KSR2: variants seen among roughly 807,000 people sequenced by gnomAD.
KSR2 encodes the protein kinase suppressor of ras 2.
Under a neutral mutation model 107.8 loss-of-function variants are expected in KSR2, and 25 were observed. The observed-to-expected ratio is 0.23, with a 90% CI of 0.17 to 0.32. The LOEUF is 0.32. Ranked by LOEUF, KSR2 falls within the 10% of genes least tolerant of loss-of-function variation. The pLI is 1.00. For synonymous variants in KSR2, 480 were observed against 507.0 expected (o/e 0.95, Z 0.71); for missense variants, 887 against 1,268.9 (o/e 0.70, Z 4.57).
intron 3 of KSR2, among the ~76,000 whole-genome samples, chr12:117,840,075 A>G (rs749270104): frequency 3.3e-5 from 5 of 149,888 alleles, no homozygotes; most frequent in Non-Finnish European, 5.9e-5. Context: ...CTTTTTTCCC[A>G]TTTTATTTTA....
Position 117,577,986 on chromosome 12 carries a change from G to A in KSR2, c.1325+1133C>T, listed in dbSNP as rs76333464. Among the ~76,000 whole-genome samples, 151 of 152,282 alleles carry A rather than the reference G, an allele frequency of 9.9e-4. 1 individual carries two copies. The highest frequency in any genetic ancestry group is 3.2e-3 in the African/African-American group (134 of 41,558). ...TTTAAAACCAGCTTAGTCTGACTCC[G>A]GAGCCCACATCTGGCGTCTCAGTTT... is the stretch of plus-strand genomic sequence containing the variant. On this transcript the variant is annotated intron_variant, in intron 7 of 19. Coordinates refer to ENST00000339824, the MANE Select transcript of KSR2 (RefSeq NM_173598.6).
chr12:117,563,716 G>A (rs1878273175), intron 7 of KSR2, among the ~76,000 whole-genome samples: 1 of 152,120 alleles, frequency 6.6e-6, no homozygotes. Context: ...ACATGGGCTG[G>A]CTAGAACACT....
At chr12:117,666,142 G>A (rs766780496) in intron 5 of KSR2, among the ~76,000 whole-genome samples, 2 of 152,086 alleles carry the variant, frequency 1.3e-5, no homozygotes, top group South Asian at 2.1e-4. Context: ...TCTCTGGACC[G>A]ACTCCTAACT....
chr12:117,765,196 G>C (rs1203748907), intron 3 of KSR2, among the ~76,000 whole-genome samples: 2 of 152,196 alleles, frequency 1.3e-5, no homozygotes, highest in Non-Finnish European at 2.9e-5. Flanking sequence ...TTTGCTGAGG[G>C]AATACAAGCT....
At chr12:117,901,108 G>A (rs998675571) in intron 1 of KSR2, among the ~76,000 whole-genome samples, 2 of 152,048 alleles carry the variant, frequency 1.3e-5, no homozygotes, top group Non-Finnish European at 2.9e-5. Context: ...TGCACAGTGC[G>A]TCATGGAAGG....
At chr12:117,894,947 T>A (rs2137371826) in intron 1 of KSR2, among the ~76,000 whole-genome samples, 1 of 151,738 alleles carries the variant, frequency 6.6e-6, no homozygotes, top group South Asian at 2.1e-4. Flanking sequence ...TGGACTAATA[T>A]CCCGGGCTTC....
In KSR2 at chr12:117,527,292, CACACACACAG is replaced by C. The variant is rs1200776194; in HGVS notation, c.1803-183_1803-174del. ...AATCCATAACCTCGACACACACACA[CACACACACAG>C]ACACACACACACACACACACACAGA... On this transcript the variant is annotated intron_variant, in intron 12 of 19. Coordinates refer to ENST00000339824, the MANE Select transcript of KSR2 (RefSeq NM_173598.6). Among the ~76,000 whole-genome samples, 421 of 78,312 alleles carry C rather than the reference CACACACACAG, an allele frequency of 5.4e-3. 3 individuals are homozygous for C. The highest frequency in any genetic ancestry group is 9.6e-3 in the Admixed American group (65 of 6,746). The allele number at this position is 78,312 out of a possible 152,430, so 51.4% of individuals were successfully genotyped here.
chr12:117,541,579 C>G (rs1280130177), intron 9 of KSR2, among the ~76,000 whole-genome samples: 1 of 152,204 alleles, frequency 6.6e-6, no homozygotes. Flanking sequence ...ACCCACAGGA[C>G]AGTGGTCACT....
rs543802525 is a variant in KSR2 at position 117,845,891 on chromosome 12, T to A, written c.472+9537A>T. The stretch of plus-strand genomic sequence containing the variant: ...TTTCAGTAGAGATGGGGTTTTGCTG[T>A]GTTGCCCAGGCTGGTCTCGAACTCC... On this transcript the variant is annotated intron_variant, in intron 3 of 19. Transcript: ENST00000339824. 2.1e-3 allele frequency among the ~76,000 whole-genome samples: 316 copies of A among 151,988 alleles called. 2 individuals are homozygous for A. Among genetic ancestry groups the A allele is most frequent in the Non-Finnish European group, 3.1e-3 (214 of 67,964 alleles).
At chr12:117,568,370 T>C (rs1245142956) in intron 7 of KSR2, among the ~76,000 whole-genome samples, 3 of 152,158 alleles carry the variant, frequency 2.0e-5, no homozygotes, top group South Asian at 2.1e-4. Context: ...AGGTTGGAAT[T>C]GAGACCAAAT....
intron 7 of KSR2, among the ~76,000 whole-genome samples, chr12:117,562,155 GA>G (rs375950716): frequency 2.0e-5 from 3 of 151,342 alleles, no homozygotes; most frequent in African/African-American, 7.3e-5. Context: ...TTGGAGGGCA[GA>G]ACAAGTGTGG....
At chr12:117,555,896 AG>A (rs1212237835) in intron 8 of KSR2, among the ~76,000 whole-genome samples, 1 of 152,208 alleles carries the variant, frequency 6.6e-6, no homozygotes, top group Non-Finnish European at 1.5e-5. Flanking sequence ...GAACACAGCA[AG>A]GGGCAAAAAT....
chr12:117,892,347 C>G (rs1894371812), intron 1 of KSR2, among the ~76,000 whole-genome samples: 2 of 152,108 alleles, frequency 1.3e-5, no homozygotes, highest in Admixed American at 1.3e-4. Flanking sequence ...ATTGGAATAT[C>G]TTTTGTCTTT....
chr12:117,494,954 G>A (rs1444328320), intron 14 of KSR2, among the ~76,000 whole-genome samples: 1 of 152,216 alleles, frequency 6.6e-6, no homozygotes, highest in Non-Finnish European at 1.5e-5. Context: ...TGAGTAACAC[G>A]GCAAAGGCCA....
At chr12:117,612,119 T>G (rs1181779173) in intron 5 of KSR2, among the ~76,000 whole-genome samples, 1 of 152,154 alleles carries the variant, frequency 6.6e-6, no homozygotes, top group African/African-American at 2.4e-5. Flanking sequence ...AAGTGGTATA[T>G]CTCATCCAGG....
chr12:117,901,671 T>C (rs547825894), intron 1 of KSR2, among the ~76,000 whole-genome samples: 1 of 152,320 alleles, frequency 6.6e-6, no homozygotes, highest in Non-Finnish European at 1.5e-5. Context: ...AGTATTCAGT[T>C]TTTTTAAACG....
At chr12:117,592,456 A>C (rs967214291) in intron 5 of KSR2, among the ~76,000 whole-genome samples, 1 of 152,128 alleles carries the variant, frequency 6.6e-6, no homozygotes, top group Non-Finnish European at 1.5e-5. Flanking sequence ...CTGGTGTCTG[A>C]GACCTGGCAG....
intron 5 of KSR2, among the ~76,000 whole-genome samples, chr12:117,665,338 TG>T (rs1204284319): frequency 2.0e-5 from 3 of 151,958 alleles, no homozygotes; most frequent in Non-Finnish European, 4.4e-5. Flanking sequence ...GGGGCTCAAA[TG>T]TTTAAATCTG....
At chr12:117,948,413 C>T (rs1041882395) in intron 1 of KSR2, among the ~76,000 whole-genome samples, 7 of 151,802 alleles carry the variant, frequency 4.6e-5, no homozygotes, top group South Asian at 2.1e-4. Context: ...CTGCTTGAAC[C>T]CAGAAGGCAG....
Sources: allele counts gnomAD v4.1 joint callset (sites outside exome capture counted in the v4.1 genomes callset), GRCh38; gene constraint gnomAD v4.1.1; transcripts MANE v1.5; gene names NCBI Gene and HGNC (gene_info 2026-07-23, HGNC 2026-07-21).